Variants in CACNA2D3 observed in about 807,000 individuals in gnomAD.
The protein encoded by CACNA2D3 is voltage-dependent calcium channel subunit alpha-2/delta-3.
In CACNA2D3, 60 loss-of-function variants were observed where a neutral mutation model predicts 160.6. That is an observed-to-expected ratio of 0.37 (90% CI 0.30 to 0.46). CACNA2D3 has a LOEUF of 0.46. Ranked by LOEUF, CACNA2D3 falls within the 20% of genes least tolerant of loss-of-function variation. The probability of loss-of-function intolerance (pLI) is 1.00; values close to 1 mark genes in which losing one functional copy is unlikely to be tolerated. For synonymous variants in CACNA2D3, 558 were observed against 492.9 expected, an observed-to-expected ratio of 1.13 and a Z score of -1.75; for missense variants, 1,205 against 1,365.0, an observed-to-expected ratio of 0.88 and a Z score of 1.85.
chr3:54,819,086 A>G, intron 14 of CACNA2D3, among the ~76,000 whole-genome samples: 1 of 147,162 alleles, frequency 6.8e-6, no homozygotes, highest in African/African-American at 2.5e-5. Flanking sequence ...TACCTCAGTG[A>G]CACTTGCAAG....
intron 5 of CACNA2D3, among the ~76,000 whole-genome samples, chr3:54,550,019 G>C (rs927596300): frequency 6.6e-6 from 1 of 152,152 alleles, no homozygotes. Context: ...CTCTAACTGG[G>C]TGTTGTCCTT....
intron 17 of CACNA2D3, 40 bp downstream of exon 17, chr3:54,846,507 A>G: frequency 7.7e-7 from 1 of 1,302,172 alleles, no homozygotes; most frequent in African/African-American, 1.5e-5. Flanking sequence ...TGCTTTTATG[A>G]TTTTAAAAGA....
At chr3:54,194,378 A>G (rs1455075998) in intron 2 of CACNA2D3, among the ~76,000 whole-genome samples, 1 of 152,220 alleles carries the variant, frequency 6.6e-6, no homozygotes, top group African/African-American at 2.4e-5. Flanking sequence ...AAGTAGTTAA[A>G]AAAAGTCATA....
chr3:54,775,813 C>G, intron 13 of CACNA2D3, among the ~76,000 whole-genome samples: 1 of 152,170 alleles, frequency 6.6e-6, no homozygotes, highest in East Asian at 1.9e-4. Context: ...CCCACTCAAG[C>G]TGTGAGAAAT....
At chr3:54,824,673 C>A (rs528535087) in intron 14 of CACNA2D3, among the ~76,000 whole-genome samples, 2 of 152,166 alleles carry the variant, frequency 1.3e-5, no homozygotes, top group South Asian at 4.2e-4. Flanking sequence ...TCCTGAGCCT[C>A]GGTTTTTCTT....
intron 10 of CACNA2D3, among the ~76,000 whole-genome samples, chr3:54,629,778 T>C (rs1274069681): frequency 1.3e-5 from 2 of 152,160 alleles, no homozygotes; most frequent in Non-Finnish European, 2.9e-5. Flanking sequence ...AGTTTGAAAA[T>C]TCCCTCTCGT....
intron 3 of CACNA2D3, among the ~76,000 whole-genome samples, chr3:54,380,011 A>C (rs746014768): frequency 1.3e-5 from 2 of 152,168 alleles, no homozygotes; most frequent in Non-Finnish European, 2.9e-5. Context: ...CTGTTAACGG[A>C]GTGATAAACA....
At chr3:54,666,933 A>G (rs1424627617) in intron 11 of CACNA2D3, among the ~76,000 whole-genome samples, 1 of 152,130 alleles carries the variant, frequency 6.6e-6, no homozygotes, top group Non-Finnish European at 1.5e-5. Flanking sequence ...GCCCAGGTGG[A>G]TGGCTGCTGA....
At chr3:54,484,306 C>T (rs574855523) in intron 4 of CACNA2D3, among the ~76,000 whole-genome samples, 117 of 152,284 alleles carry the variant, frequency 7.7e-4, no homozygotes, top group African/African-American at 2.6e-3. Context: ...CCCCTCCCCG[C>T]GGACTGTATC....
At chr3:54,473,445 G>A (rs1700773257) in intron 4 of CACNA2D3, among the ~76,000 whole-genome samples, 1 of 152,118 alleles carries the variant, frequency 6.6e-6, no homozygotes. Context: ...AGAAAACCTA[G>A]GCAATACCAT....
intron 17 of CACNA2D3, among the ~76,000 whole-genome samples, chr3:54,868,046 T>A (rs1281443265): frequency 6.6e-6 from 1 of 152,216 alleles, no homozygotes; most frequent in Non-Finnish European, 1.5e-5. Flanking sequence ...CATGGGAACC[T>A]TCCTAATGGA....
chr3:54,804,531 G>T (rs890442166), intron 13 of CACNA2D3, among the ~76,000 whole-genome samples: 5 of 152,116 alleles, frequency 3.3e-5, no homozygotes, highest in Non-Finnish European at 7.4e-5. Context: ...CCCAATACAG[G>T]AGCACCCAGT....
chr3:54,879,561 C>A, intron 20 of CACNA2D3, 150 bp downstream of exon 20: 1 of 620,916 alleles, frequency 1.6e-6, no homozygotes, highest in Non-Finnish European at 2.8e-6. Context: ...TTTTCCCAGG[C>A]TGCTTTTGTT....
At chr3:54,391,052 A>G (rs1157303388) in intron 4 of CACNA2D3, among the ~76,000 whole-genome samples, 3 of 152,048 alleles carry the variant, frequency 2.0e-5, no homozygotes, top group Admixed American at 6.6e-5. Context: ...TGTAGTTTTA[A>G]CTCATATATA....
At chr3:54,476,006 C>G (rs1700824135) in intron 4 of CACNA2D3, among the ~76,000 whole-genome samples, 1 of 150,420 alleles carries the variant, frequency 6.6e-6, no homozygotes, top group South Asian at 2.1e-4. Flanking sequence ...TCTCCACTCT[C>G]AGCCCCTGGC....
Position 54,887,959 on chromosome 3 carries a change from G to C in CACNA2D3, c.2057G>C (p.Cys686Ser). The C allele has an allele frequency of 1.9e-6, 3 of 1,613,446 alleles. No individual in the cohort carries two copies. The highest frequency in any genetic ancestry group is 2.5e-6 in the Non-Finnish European group (3 of 1,179,400). The change falls in exon 24 of 38, where the codon TGT (cysteine) becomes TCT (serine). Residue 686 changes from cysteine to serine, a missense_variant and splice_region_variant. This residue lies in a region of CACNA2D3 where 911 missense variants were observed against 1,002.2 expected (regional missense o/e 0.91). Transcript: ENST00000474759. ...TCCTCTTGTCTGTCCCTCCCAACAG[G>C]TGATAAAGAATTGATCCAAGAAGTC... Reference protein sequence around the residue: ...YLKGKEPLLQCDKELIQEVLF... With the variant: ...YLKGKEPLLQSDKELIQEVLF...
intron 4 of CACNA2D3, among the ~76,000 whole-genome samples, chr3:54,487,258 C>G (rs371747246): frequency 6.6e-6 from 1 of 152,054 alleles, no homozygotes; most frequent in Non-Finnish European, 1.5e-5. Flanking sequence ...GTCCCAGCTA[C>G]TTTGGAGGCT....
intron 27 of CACNA2D3, among the ~76,000 whole-genome samples, chr3:54,936,089 G>A (rs111911416): frequency 1.7e-4 from 26 of 151,478 alleles, no homozygotes; most frequent in African/African-American, 3.9e-4. Flanking sequence ...CTTTAACTTC[G>A]TCATCTGTGC....
chr3:54,788,220 A>G (rs529026737), intron 13 of CACNA2D3, among the ~76,000 whole-genome samples: 1 of 152,314 alleles, frequency 6.6e-6, no homozygotes, highest in Admixed American at 6.5e-5. Flanking sequence ...AAAACCTTTT[A>G]CCTTTTTTGT....
Sources: gnomAD v4.1 joint callset for allele counts (sites outside exome capture counted in the v4.1 genomes callset) on GRCh38, gnomAD v4.1.1 for gene constraint, gnomAD v4.1.1 regional missense constraint, MANE v1.5 for transcripts, NCBI Gene and HGNC (gene_info 2026-07-23, HGNC 2026-07-21) for gene names.